SON: variants seen among roughly 807,000 people sequenced by gnomAD.
SON encodes SON DNA and RNA binding protein.
In SON, 4 loss-of-function variants were observed where a neutral mutation model predicts 173.3. The ratio of observed to expected loss-of-function variants is 0.02; its 90% confidence interval spans 0.01 to 0.05. The LOEUF is 0.05. Ranked by LOEUF, SON falls within the 10% of genes least tolerant of loss-of-function variation. The pLI is 1.00. For missense variants in SON, 2,626 were observed against 3,055.3 expected (o/e 0.86, Z 3.31); for synonymous variants, 1,190 against 1,105.9 (o/e 1.08, Z -1.51).
In SON at chr21:33,554,409, G is replaced by A; in HGVS notation, c.5178G>A (p.Glu1726=). ...LPDSGFSANI[E]DINEADLVRP... ...ATTCAGGATTTTCTGCCAATATTGA[G>A]GATATTAATGAAGCAGATTTAGTGA... is the stretch of plus-strand genomic sequence containing the variant. The change falls in exon 3 of 12, where the codon GAG becomes GAA. Residue 1726 remains glutamate (E), a synonymous_variant. Coordinates refer to ENST00000356577, the MANE Select transcript of SON (RefSeq NM_138927.4). 4.3e-6 allele frequency: 7 copies of A among 1,614,084 alleles called. No individual in the cohort carries two copies. The highest frequency in any genetic ancestry group is 5.9e-6 in the Non-Finnish European group (7 of 1,180,038).
At chr21:33,563,813 T>C (rs1187662488) in intron 6 of SON, among the ~76,000 whole-genome samples, 2 of 152,214 alleles carry the variant, frequency 1.3e-5, no homozygotes, top group Admixed American at 6.5e-5. Context: ...GGTAATTTCA[T>C]TATGCCTCAG....
At position 33,552,796 on chromosome 21, in the gene SON, T is replaced by A. The variant is rs764334058; in HGVS notation, c.3565T>A (p.Leu1189Ile). The A allele has an allele frequency of 6.2e-7, 1 of 1,613,882 alleles. No homozygotes were observed. Among genetic ancestry groups the A allele is most frequent in the South Asian group, 1.1e-5 (1 of 91,092 alleles). ...AGCATTGCCCACTGAGCAGTCAGCA[T>A]TAACAGCTGAAAATACTTGGCCTAC... is the stretch of plus-strand genomic sequence containing the variant. The part of the protein sequence containing the change: ...GPALPTEQSA[L>I]TAENTWPTEV... The change falls in exon 3 of 12, where the codon TTA becomes ATA. Residue 1189 changes from leucine (L) to isoleucine (I), a missense_variant. Physicochemically the swap from Leu to Ile is conservative, Grantham distance 5 (BLOSUM62 2). Transcript: ENST00000356577. This position sits in a 1 kb window ranked among gnomAD's most constrained non-coding sequence, Gnocchi z 5.6.
Position 33,550,029 on chromosome 21 carries a change from G to A in SON, c.798G>A (p.Met266Ile). 3.1e-6 allele frequency: 5 copies of A among 1,614,136 alleles called. No individual in the cohort carries two copies. Among genetic ancestry groups the A allele is most frequent in the Non-Finnish European group, 4.2e-6 (5 of 1,180,026 alleles). The part of the protein sequence containing the change: ...VLKSSEPVVT[M>I]SVEYQMKSVL... ...AGTCATCTGAGCCAGTTGTAACAAT[G>A]TCAGTGGAGTATCAGATGAAGTCTG... Residue 266 changes from methionine to isoleucine, a missense_variant, in exon 3 of 12, where the codon ATG becomes ATA. Coordinates refer to ENST00000356577, the MANE Select transcript of SON (RefSeq NM_138927.4).
At chr21:33,576,056 G>A (rs1306443400) in intron 11 of SON, among the ~76,000 whole-genome samples, 163 bp downstream of exon 11, 4 of 152,128 alleles carry the variant, frequency 2.6e-5, no homozygotes, top group Admixed American at 6.5e-5. Context: ...GCTTTAATAC[G>A]ACTTGTCAAT....
chr21:33,547,474 T>A (rs1304544733), intron 2 of SON, among the ~76,000 whole-genome samples: 1 of 152,156 alleles, frequency 6.6e-6, no homozygotes, highest in African/African-American at 2.4e-5. Flanking sequence ...TACCTTGATT[T>A]AGTTCTGGAA....
Position 33,551,632 on chromosome 21 carries a change from A to G in SON, c.2401A>G (p.Met801Val), listed in dbSNP as rs560204640. The change falls in exon 3 of 12, where the codon ATG becomes GTG. Residue 801 changes from methionine to valine, a missense_variant. Met to Val is a conservative substitution (Grantham distance 21, BLOSUM62 1). Coordinates refer to ENST00000356577, the MANE Select transcript of SON (RefSeq NM_138927.4). ...MDSQMLATSS[M>V]DSQMLATSSM... is the part of the protein sequence containing the mutation. ...CTCCCAGATGTTAGCAACCAGTTCCATGGACTCCCAGATGTTAGCAACCAG... is the reference window on the plus strand; with the variant it reads ...CTCCCAGATGTTAGCAACCAGTTCCGTGGACTCCCAGATGTTAGCAACCAG... The G allele has an allele frequency of 1.9e-5, 30 of 1,612,108 alleles. No homozygotes were observed. Among genetic ancestry groups the G allele is most frequent in the East Asian group, 6.7e-5 (3 of 44,854 alleles).
intron 4 of SON, chr21:33,557,633 G>GT: frequency 1.9e-6 from 3 of 1,544,554 alleles, no homozygotes; most frequent in South Asian, 2.4e-5. Flanking sequence ...CTCGCCTACA[G>GT]TTTCGTTTCC....
In SON at chr21:33,559,341, C is replaced by T; in HGVS notation, c.6433C>T (p.Leu2145Phe). The T allele has an allele frequency of 6.2e-7, 1 of 1,612,500 alleles. No homozygotes were observed. Among genetic ancestry groups the T allele is most frequent in the Non-Finnish European group, 8.5e-7 (1 of 1,179,456 alleles). Reference sequence around the variant, plus strand: ...TCCTTTTTATCATCATCCCTTTAAACTCAGTGAACCCAAACCTATTTTTTT... The same window carrying T: ...TCCTTTTTATCATCATCCCTTTAAATTCAGTGAACCCAAACCTATTTTTTT... ...EPPFYHHPFK[L>F]SEPKPIFFNL... Residue 2145 changes from leucine to phenylalanine, a missense_variant, in exon 5 of 12, where the codon CTC becomes TTC. This residue lies in a region of SON where 75 missense variants were observed against 201.6 expected (regional missense o/e 0.37). Transcript: ENST00000356577. The surrounding 1 kb of genome is among the most constrained non-coding windows in gnomAD (Gnocchi z 4.1).
Position 33,553,214 on chromosome 21 carries a change from C to T in SON, c.3983C>T (p.Ser1328Phe), listed in dbSNP as rs757317929. Reference protein sequence around the residue: ...SGHVASEVSTSLLVPAVTTPV... With the variant: ...SGHVASEVSTFLLVPAVTTPV... ...CATGTTGCCTCAGAAGTATCTACAT[C>T]CTTGTTGGTTCCAGCAGTAACTACT... The change falls in exon 3 of 12, where the codon TCC becomes TTC. Residue 1328 changes from serine (S) to phenylalanine (F), a missense_variant. Ser to Phe is a radical substitution (Grantham distance 155). Coordinates refer to ENST00000356577, the MANE Select transcript of SON (RefSeq NM_138927.4). The T allele has an allele frequency of 6.2e-7, 1 of 1,614,152 alleles. No individual in the cohort carries two copies.
At chr21:33,544,541 C>A (rs895141687) in intron 1 of SON, among the ~76,000 whole-genome samples, 2 of 149,358 alleles carry the variant, frequency 1.3e-5, no homozygotes, top group African/African-American at 4.8e-5. Flanking sequence ...CATGTCATTT[C>A]ATTTCCCCCC....
In SON at chr21:33,559,033, G is replaced by A. The variant is rs2086021126; in HGVS notation, c.6322-197G>A. Reference sequence around the variant, plus strand: ...AGTGCTCTCTCTGCACATAGTAGGTGCTCAATAAATGTTGTTGACTGACTG... The same window carrying A: ...AGTGCTCTCTCTGCACATAGTAGGTACTCAATAAATGTTGTTGACTGACTG... On this transcript the variant is annotated intron_variant, in intron 4 of 11. Transcript: ENST00000356577. This position sits in a 1 kb window ranked among gnomAD's most constrained non-coding sequence, Gnocchi z 4.1. 2.6e-6 allele frequency: 1 copy of A among 385,162 alleles called. No individual in the cohort carries two copies. The highest frequency in any genetic ancestry group is 2.2e-5 in the African/African-American group (1 of 45,178). 23.9% of individuals were successfully genotyped at this position (385,162 alleles called of 1,614,324 possible).
intron 6 of SON, 59 bp from the exon 7 acceptor site, chr21:33,567,097 CT>C: frequency 7.4e-6 from 7 of 947,046 alleles, no homozygotes; most frequent in Non-Finnish European, 1.1e-5. Context: ...GATATGAGTA[CT>C]TTTCAGAATT....
intron 3 of SON, 108 bp from the exon 4 acceptor site, chr21:33,557,048 C>A: frequency 2.3e-6 from 2 of 855,446 alleles, no homozygotes; most frequent in Non-Finnish European, 3.3e-6. Flanking sequence ...TACCCAAGTT[C>A]TTCGATGGAT....
In SON at chr21:33,550,751, C is replaced by G. The variant is rs761928315; in HGVS notation, c.1520C>G (p.Pro507Arg). ...GTAGCAATGGAGTTGACCGAACAAC[C>G]TGTGACGACGACAGAGTTGGAGCAG... ...VTVAMELTEQ[P>R]VTTTELEQPV... The change falls in exon 3 of 12, where the codon CCT becomes CGT. Residue 507 changes from proline to arginine, a missense_variant. Physicochemically the swap from Pro to Arg is moderately radical, Grantham distance 103. Around this residue, in one of 13 missense-constraint regions of SON, gnomAD observed 757 missense variants for 730.1 expected, o/e 1.04. Transcript: ENST00000356577. 1.2e-6 allele frequency: 2 copies of G among 1,614,146 alleles called. No individual in the cohort carries two copies. Among genetic ancestry groups the G allele is most frequent in the East Asian group, 2.2e-5 (1 of 44,882 alleles).
In SON at chr21:33,550,996, G is replaced by C. The variant is rs370368356; in HGVS notation, c.1765G>C (p.Val589Leu). ...TRALELSGQP[V>L]ATGALELPGP... is the part of the protein sequence containing the mutation. The stretch of plus-strand genomic sequence containing the variant: ...GGCACTGGAGTTGTCGGGGCAGCCT[G>C]TGGCAACTGGGGCACTAGAGTTGCC... The change falls in exon 3 of 12, where the codon GTG (valine) becomes CTG (leucine). Residue 589 changes from valine (V) to leucine (L), a missense_variant. Around this residue, in one of 13 missense-constraint regions of SON, gnomAD observed 757 missense variants for 730.1 expected, o/e 1.04. Transcript: ENST00000356577. The C allele has an allele frequency of 1.9e-6, 3 of 1,605,776 alleles. No individual in the cohort carries two copies. The highest frequency in any genetic ancestry group is 2.6e-6 in the Non-Finnish European group (3 of 1,175,084).
Position 33,555,773 on chromosome 21 carries a change from C to G in SON, c.6160+382C>G, listed in dbSNP as rs143891890. Among the ~76,000 whole-genome samples the G allele has an allele frequency of 3.7e-3, 563 of 152,312 alleles. 3 individuals carry two copies. Among genetic ancestry groups the G allele is most frequent in the African/African-American group, 9.6e-3 (397 of 41,564 alleles). ...CTAACATACATCCTTGCAACTAAGC[C>G]TAAAATTACAATGTTCCTTTTTAAA... On this transcript the variant is annotated intron_variant, in intron 3 of 11. Transcript: ENST00000356577.
intron 6 of SON, chr21:33,560,076 A>G (rs1365971228): frequency 2.5e-6 from 4 of 1,614,134 alleles, no homozygotes; most frequent in Non-Finnish European, 3.4e-6. Context: ...CCAAGGTACA[A>G]CTATTTAGCT....
intron 3 of SON, 55 bp from the exon 4 acceptor site, chr21:33,557,101 A>G: frequency 1.3e-6 from 2 of 1,528,566 alleles, no homozygotes; most frequent in Non-Finnish European, 8.9e-7. Flanking sequence ...ACTTTTGGTA[A>G]TACAAAATGT....
At position 33,550,155 on chromosome 21, in the gene SON, A is replaced by G. The variant is rs763144123; in HGVS notation, c.924A>G (p.Val308=). ...KVLEPSETLV[V]SSETPTEVYP... ...TAGAGCCTTCAGAAACCCTTGTGGT[A>G]TCATCAGAGACACCTACTGAGGTGT... Residue 308 remains valine, a synonymous_variant, in exon 3 of 12, where the codon GTA becomes GTG. Coordinates refer to ENST00000356577, the MANE Select transcript of SON (RefSeq NM_138927.4). 5.6e-6 allele frequency: 9 copies of G among 1,614,230 alleles called. No individual in the cohort carries two copies. The highest frequency in any genetic ancestry group is 7.6e-6 in the Non-Finnish European group (9 of 1,180,036).
Sources: allele counts gnomAD v4.1 joint callset (sites outside exome capture counted in the v4.1 genomes callset), GRCh38; gene constraint gnomAD v4.1.1; regional missense constraint gnomAD v4.1.1; non-coding constraint Gnocchi (gnomAD v3.1); transcripts MANE v1.5; gene names NCBI Gene and HGNC (gene_info 2026-07-23, HGNC 2026-07-21).